The following LGALS4 variants were observed in gnomAD, a reference collection of about 807,000 sequenced individuals.
LGALS4 encodes the protein galectin 4, also known as galectin-4.
LGALS4 carries 37 observed loss-of-function variants against 39.6 expected under a neutral mutation model. The observed-to-expected ratio is 0.93, with a 90% confidence interval of 0.72 to 1.23. The LOEUF (loss-of-function observed/expected upper bound fraction) is 1.23. Ranked by LOEUF, LGALS4 falls within the 50% of genes most tolerant of loss-of-function variation. The pLI, the probability that LGALS4 is intolerant of heterozygous loss-of-function variation, is 0.00. For missense variants in LGALS4, 397 were observed against 433.2 expected (o/e 0.92, Z 0.74); for synonymous variants, 160 against 165.5 (o/e 0.97, Z 0.25).
chr19:38,805,355 A>T (rs1362292802), intron 4 of LGALS4, among the ~76,000 whole-genome samples: 1 of 151,884 alleles, frequency 6.6e-6, no homozygotes, highest in African/African-American at 2.4e-5. Flanking sequence ...CTACTCCAGG[A>T]AGCACTTCCT....
chr19:38,812,835 A>T lies in LGALS4; in HGVS notation c.45+7T>A. ...CGGGCGGAGTGGGGCCTGAGCTGGC[A>T]TCTCACCGGGTTGTAGGTGGGCTGG... On this transcript the variant is annotated splice_region_variant and intron_variant, in intron 1 of 9. Transcript: ENST00000307751. 1 of 1,611,346 alleles carries T rather than the reference A, an allele frequency of 6.2e-7. No individual in the cohort carries two copies. Among genetic ancestry groups the T allele is most frequent in the Non-Finnish European group, 8.5e-7 (1 of 1,179,886 alleles).
chr19:38,807,967 G>A (rs1387403199), intron 3 of LGALS4, among the ~76,000 whole-genome samples: 4 of 152,012 alleles, frequency 2.6e-5, no homozygotes, highest in South Asian at 2.1e-4. Context: ...AAGTACCCAG[G>A]GACACAAACA....
chr19:38,811,106 G>C (rs1002563250), intron 2 of LGALS4, among the ~76,000 whole-genome samples: 10 of 151,866 alleles, frequency 6.6e-5, no homozygotes, highest in African/African-American at 1.7e-4. Context: ...TCTCCATTTT[G>C]GTCAGGCTGG....
chr19:38,807,067 G>C (rs998806169), intron 3 of LGALS4, among the ~76,000 whole-genome samples: 13 of 152,190 alleles, frequency 8.5e-5, no homozygotes, highest in African/African-American at 2.9e-4. Context: ...GTCAAGCTAA[G>C]GTCAAAAATC....
chr19:38,807,845 G>A (rs1387651015), intron 3 of LGALS4, among the ~76,000 whole-genome samples: 1 of 152,162 alleles, frequency 6.6e-6, no homozygotes. Flanking sequence ...CCTGAGACAT[G>A]TGGTGTGTCA....
At chr19:38,809,215 G>A (rs1271075016) in intron 2 of LGALS4, among the ~76,000 whole-genome samples, 1 of 119,590 alleles carries the variant, frequency 8.4e-6, no homozygotes, top group African/African-American at 3.2e-5. Context: ...GTCTTGCTCT[G>A]TTGCCCAGGC....
rs1246606852 is a variant in LGALS4, at chr19:38,803,782, T to C, written c.502-2A>G. 5.6e-6 allele frequency: 9 copies of C among 1,613,690 alleles called. No individual in the cohort carries two copies. The East Asian group carries it at 2.0e-4, about 36-fold the overall frequency. Reference sequence around the variant, plus strand: ...CTGTTGATGGCAATGTCCGGGACCCTGAACGATGGACAGAAGGCAGGAAGG... The same window carrying C: ...CTGTTGATGGCAATGTCCGGGACCCCGAACGATGGACAGAAGGCAGGAAGG... On this transcript the variant is annotated splice_acceptor_variant, in intron 5 of 9. Coordinates refer to ENST00000307751, the MANE Select transcript of LGALS4 (RefSeq NM_006149.4). LOFTEE classifies it high-confidence loss of function.
chr19:38,803,955 T>C, intron 4 of LGALS4, 60 bp from the exon 5 acceptor site: 1 of 1,550,066 alleles, frequency 6.5e-7, no homozygotes, highest in Admixed American at 1.9e-5. Context: ...GACTGAAAGA[T>C]GTCGAGAGTG....
At chr19:38,806,729 T>C (rs1971426734) in intron 3 of LGALS4, 134 bp from the exon 4 acceptor site, 5 of 840,590 alleles carry the variant, frequency 5.9e-6, no homozygotes, top group African/African-American at 1.7e-5. Flanking sequence ...GGTGGATCAT[T>C]TGAGATCAGG....
chr19:38,807,706 G>T (rs1265126949), intron 3 of LGALS4, among the ~76,000 whole-genome samples: 1 of 152,164 alleles, frequency 6.6e-6, no homozygotes, highest in Non-Finnish European at 1.5e-5. Context: ...GTGGGGAAAA[G>T]AAAGAGAGAT....
At position 38,806,434 on chromosome 19, in the gene LGALS4, C is replaced by G. The variant is rs781669393; in HGVS notation, c.474+27G>C. Reference sequence around the variant, plus strand: ...TGGAACTGAATTTAGAAAGAAAGGACGCAAGAAGGGATGGGACCCCTCACA... The same window carrying G: ...TGGAACTGAATTTAGAAAGAAAGGAGGCAAGAAGGGATGGGACCCCTCACA... On this transcript the variant is annotated intron_variant, in intron 4 of 9. Transcript: ENST00000307751. 6.2e-6 allele frequency: 10 copies of G among 1,602,408 alleles called. No individual in the cohort carries two copies. In the East Asian group the frequency reaches 2.2e-4, roughly 36 times the overall value.
chr19:38,802,562 A>G (rs951423560), intron 7 of LGALS4, among the ~76,000 whole-genome samples, 158 bp from the exon 8 acceptor site: 2 of 150,354 alleles, frequency 1.3e-5, no homozygotes, highest in African/African-American at 4.9e-5. Flanking sequence ...TGGCATGATC[A>G]AGCCTCACTG....
At chr19:38,809,880 T>A (rs1178178921) in intron 2 of LGALS4, among the ~76,000 whole-genome samples, 2 of 152,090 alleles carry the variant, frequency 1.3e-5, no homozygotes, top group Non-Finnish European at 2.9e-5. Flanking sequence ...CCCTGTCCTA[T>A]GCACTTTGGG....
intron 2 of LGALS4, among the ~76,000 whole-genome samples, chr19:38,810,583 C>G (rs183909641): frequency 0.024 from 3,595 of 151,988 alleles, 145 homozygotes; most frequent in African/African-American, 0.083. Context: ...AGGATGGTCT[C>G]GATCTCCTGA....
chr19:38,809,734 A>C (rs1299724706), intron 2 of LGALS4, among the ~76,000 whole-genome samples: 2 of 125,530 alleles, frequency 1.6e-5, no homozygotes, highest in Non-Finnish European at 3.1e-5. Context: ...AAGCAATCCT[A>C]CCACCTCGGC....
At chr19:38,812,150 G>T (rs1971501352) in intron 2 of LGALS4, among the ~76,000 whole-genome samples, 1 of 152,196 alleles carries the variant, frequency 6.6e-6, no homozygotes, top group Non-Finnish European at 1.5e-5. Context: ...CGGGGACCCG[G>T]CTCTGAGCCT....
intron 3 of LGALS4, among the ~76,000 whole-genome samples, chr19:38,807,552 C>T (rs59965320): frequency 0.071 from 10,784 of 151,250 alleles, 589 homozygotes; most frequent in African/African-American, 0.15. Context: ...CGCCTCTGCC[C>T]GGCCGCCCCG....
rs773918774 is a variant in LGALS4, at chr19:38,808,768, G to A, written c.315C>T (p.Phe105=). The stretch of plus-strand genomic sequence containing the variant: ...CCTTGTAGTGCTCAGCCAGGACTAT[G>A]AAGACCAGCTCAAAGGCGGCACCCT... ...FKKGAAFELV[F]IVLAEHYKVV... is the part of the protein sequence containing the mutation. Residue 105 remains phenylalanine (F), a synonymous_variant, in exon 3 of 10, where the codon TTC becomes TTT. Coordinates refer to ENST00000307751, the MANE Select transcript of LGALS4 (RefSeq NM_006149.4). 2 of 1,614,044 alleles carry A rather than the reference G, an allele frequency of 1.2e-6. No individual in the cohort carries two copies. Among genetic ancestry groups the A allele is most frequent in the Non-Finnish European group, 1.7e-6 (2 of 1,180,034 alleles).
rs1568352079 is a variant in LGALS4, at chr19:38,808,639, A to AG, written c.339+104_339+105insC. ...ACTCCATCTCAAAAAAAAAAAAAAAAAAAAGAAAGAAAGAAAGAAAAGGAA... is the reference window on the plus strand; with the variant it reads ...ACTCCATCTCAAAAAAAAAAAAAAAAGAAAAGAAAGAAAGAAAGAAAAGGAA... On this transcript the variant is annotated intron_variant, in intron 3 of 9. Transcript: ENST00000307751. 5.6e-4 allele frequency: 519 copies of AG among 919,170 alleles called. No homozygotes were observed. In the South Asian group the frequency reaches 6.4e-3, roughly 11 times the overall value. The allele number at this position is 919,170 out of a possible 1,614,324, so 56.9% of individuals were successfully genotyped here. A position where few individuals can be genotyped will look rare whatever the true frequency, so the allele number is the denominator to read the frequency against.
Sources: gnomAD v4.1 joint callset for allele counts (sites outside exome capture counted in the v4.1 genomes callset) on GRCh38, gnomAD v4.1.1 for gene constraint, MANE v1.5 for transcripts, NCBI Gene and HGNC (gene_info 2026-07-23, HGNC 2026-07-21) for gene names.